Variants in CSMD1 observed in about 807,000 individuals in gnomAD.
The protein encoded by CSMD1 is CUB and sushi domain-containing protein 1.
In CSMD1, 213 loss-of-function variants were observed where a neutral mutation model predicts 417.5. The ratio of observed to expected loss-of-function variants is 0.51; its 90% CI spans 0.46 to 0.57. The LOEUF is 0.57. CSMD1 is among the 20% of genes least tolerant of loss of function. The pLI, the probability that CSMD1 is intolerant of heterozygous loss-of-function variation, is 0.00. For missense variants in CSMD1, 6,923 were observed against 4,529.7 expected (o/e 1.53, Z -15.17); for synonymous variants, 2,862 against 1,736.8 (o/e 1.65, Z -16.11).
At chr8:4,966,483 G>C (rs12676398) in intron 1 of CSMD1, among the ~76,000 whole-genome samples, 2 of 152,048 alleles carry the variant, frequency 1.3e-5, no homozygotes, top group African/African-American at 2.4e-5. Context: ...GATCTCAATG[G>C]GACACATCGC....
intron 5 of CSMD1, among the ~76,000 whole-genome samples, chr8:3,973,336 G>C (rs555494552): frequency 7.9e-5 from 12 of 152,216 alleles, no homozygotes; most frequent in South Asian, 6.2e-4. Context: ...CACTCTGCTT[G>C]GTGCTAGATA....
intron 49 of CSMD1, among the ~76,000 whole-genome samples, chr8:3,067,487 G>A (rs1315661688): frequency 6.6e-6 from 1 of 151,892 alleles, no homozygotes; most frequent in East Asian, 1.9e-4. Flanking sequence ...TTTTCTCCAG[G>A]TCCACACAGA....
chr8:3,566,675 A>G (rs1337321184), intron 10 of CSMD1, among the ~76,000 whole-genome samples: 2 of 152,248 alleles, frequency 1.3e-5, no homozygotes, highest in Non-Finnish European at 2.9e-5. Context: ...GCATATTAAA[A>G]AAAGGTCAAC....
rs1010384613 is a variant in CSMD1 at position 4,398,572 on chromosome 8, T to A, written c.415+21381A>T. On this transcript the variant is annotated intron_variant, in intron 3 of 69. Transcript: ENST00000635120. ...CCATGCCCGGCCAAATTTTTTTGTA[T>A]TTTTAGTAGAGACGGGGTTTCACCG... 6.3e-4 allele frequency among the ~76,000 whole-genome samples: 95 copies of A among 151,874 alleles called. 1 individual carries two copies. Among genetic ancestry groups the A allele is most frequent in the Admixed American group, 5.3e-4 (8 of 15,236 alleles).
chr8:4,648,966 T>C (rs1230451694), intron 1 of CSMD1, among the ~76,000 whole-genome samples: 1 of 152,230 alleles, frequency 6.6e-6, no homozygotes, highest in Non-Finnish European at 1.5e-5. Flanking sequence ...ACACCTAGTA[T>C]CCTAGGGCCC....
intron 3 of CSMD1, among the ~76,000 whole-genome samples, chr8:4,371,994 G>C (rs1802425947): frequency 1.3e-5 from 2 of 152,168 alleles, no homozygotes; most frequent in African/African-American, 2.4e-5. Context: ...TATGACTGAA[G>C]ACATAAGAGT....
intron 37 of CSMD1, among the ~76,000 whole-genome samples, chr8:3,173,483 T>C (rs1820710729): frequency 6.6e-6 from 1 of 152,226 alleles, no homozygotes; most frequent in Non-Finnish European, 1.5e-5. Flanking sequence ...GTGGCCAAAC[T>C]GTGAAGTTGA....
intron 5 of CSMD1, among the ~76,000 whole-genome samples, chr8:3,824,923 C>T (rs1801967619): frequency 6.6e-6 from 1 of 152,100 alleles, no homozygotes; most frequent in Admixed American, 6.5e-5. Context: ...TAATTAGCAC[C>T]ATAAAAACCG....
At chr8:4,346,651 T>C (rs1370028752) in intron 3 of CSMD1, among the ~76,000 whole-genome samples, 2 of 152,224 alleles carry the variant, frequency 1.3e-5, no homozygotes, top group East Asian at 1.9e-4. Context: ...GAAATCTTCA[T>C]TGCAATTTTG....
intron 10 of CSMD1, among the ~76,000 whole-genome samples, chr8:3,569,506 C>G (rs541348957): frequency 7.8e-4 from 119 of 152,278 alleles, no homozygotes; most frequent in African/African-American, 2.7e-3. Flanking sequence ...AACTGCTTTT[C>G]TGTCCTATCT....
At position 3,686,291 on chromosome 8, in the gene CSMD1, G is replaced by A. The variant is rs754666983; in HGVS notation, c.1009+22123C>T. 3.2e-4 allele frequency among the ~76,000 whole-genome samples: 49 copies of A among 152,114 alleles called. 1 individual carries two copies. The highest frequency in any genetic ancestry group is 5.9e-4 in the Non-Finnish European group (40 of 68,022). ...GCTAGGAAAGGCAGTGTCAAGAGAC[G>A]TGTCATTGACAGCTAACACTGTGAC... is the stretch of plus-strand genomic sequence containing the variant. On this transcript the variant is annotated intron_variant, in intron 7 of 69. Coordinates refer to ENST00000635120, the MANE Select transcript of CSMD1 (RefSeq NM_033225.6).
At chr8:3,083,716 C>G (rs1466505020) in intron 49 of CSMD1, among the ~76,000 whole-genome samples, 2 of 124,638 alleles carry the variant, frequency 1.6e-5, no homozygotes, top group Non-Finnish European at 3.2e-5. Flanking sequence ...AGTGCAGTGC[C>G]GTGATCTCGG....
chr8:4,814,839 G>T lies in CSMD1; in HGVS notation c.86-177281C>A, dbSNP rs529928377. Among the ~76,000 whole-genome samples the T allele has an allele frequency of 6.6e-5, 10 of 151,696 alleles. 1 individual carries two copies. In the South Asian group the frequency reaches 2.1e-3, roughly 32 times the overall value. On this transcript the variant is annotated intron_variant, in intron 1 of 69. Transcript: ENST00000635120. ...AGGTACCCCAAAATTATAATACTGCGGACTCTTAATCATTTGTTAGATACT... is the reference window on the plus strand; with the variant it reads ...AGGTACCCCAAAATTATAATACTGCTGACTCTTAATCATTTGTTAGATACT...
chr8:4,098,798 A>C lies in CSMD1; in HGVS notation c.416-66699T>G, dbSNP rs1248189900. ...TTGCAGTCATTACTAATAAGAAGAC[A>C]ATGTCATAAAAAGTTGTCTCTTCTC... On this transcript the variant is annotated intron_variant, in intron 3 of 69. Coordinates refer to ENST00000635120, the MANE Select transcript of CSMD1 (RefSeq NM_033225.6). Among the ~76,000 whole-genome samples the C allele has an allele frequency of 2.0e-5, 3 of 152,310 alleles. No homozygotes were observed. In the East Asian group the frequency reaches 5.8e-4, roughly 29 times the overall value.
intron 2 of CSMD1, among the ~76,000 whole-genome samples, chr8:4,430,009 C>T (rs918595869): frequency 6.6e-6 from 1 of 152,152 alleles, no homozygotes; most frequent in Non-Finnish European, 1.5e-5. Flanking sequence ...CCTTAAGTGC[C>T]TTCCCACTGA....
At chr8:3,126,675 C>G (rs899673657) in intron 41 of CSMD1, among the ~76,000 whole-genome samples, 2 of 152,194 alleles carry the variant, frequency 1.3e-5, no homozygotes, top group African/African-American at 4.8e-5. Flanking sequence ...CCAAGGATAT[C>G]ACCCTGGTTC....
At chr8:3,188,647 A>G (rs1413839417) in intron 35 of CSMD1, among the ~76,000 whole-genome samples, 1 of 151,814 alleles carries the variant, frequency 6.6e-6, no homozygotes, top group Non-Finnish European at 1.5e-5. Flanking sequence ...GATAGTTTTT[A>G]TTTTAAAAAA....
At chr8:3,286,637 G>C (rs1234802800) in intron 25 of CSMD1, among the ~76,000 whole-genome samples, 3 of 150,776 alleles carry the variant, frequency 2.0e-5, no homozygotes, top group Non-Finnish European at 4.5e-5. Context: ...TTTGAGAAGT[G>C]TCTGTTCATA....
At chr8:3,781,907 TA>T (rs1361813463) in intron 5 of CSMD1, among the ~76,000 whole-genome samples, 3 of 152,216 alleles carry the variant, frequency 2.0e-5, no homozygotes, top group African/African-American at 7.2e-5. Flanking sequence ...CTAATTTTGG[TA>T]GACCCATTTA....
Sources: gnomAD v4.1 joint callset for allele counts (sites outside exome capture counted in the v4.1 genomes callset) on GRCh38, gnomAD v4.1.1 for gene constraint, MANE v1.5 for transcripts, NCBI Gene and HGNC (gene_info 2026-07-23, HGNC 2026-07-21) for gene names.